BLVRA: variants seen among roughly 807,000 people sequenced by gnomAD.
BLVRA encodes BVR A.
In BLVRA, 22 loss-of-function variants were observed where a neutral mutation model predicts 32.8. The ratio of observed to expected loss-of-function variants is 0.67; its 90% CI spans 0.48 to 0.96. The LOEUF (loss-of-function observed/expected upper bound fraction) is 0.96. Among genes scored for constraint, BLVRA ranks in the 40% least tolerant of loss-of-function variants. BLVRA has a pLI of 0.00. For missense variants in BLVRA, 323 were observed against 358.1 expected (o/e 0.90, Z 0.79); for synonymous variants, 119 against 141.3 (o/e 0.84, Z 1.12).
chr7:43,762,725 C>T (rs1252707593), intron 1 of BLVRA, among the ~76,000 whole-genome samples: 3 of 151,190 alleles, frequency 2.0e-5, no homozygotes, highest in African/African-American at 7.3e-5. Context: ...AATTCTCCTG[C>T]CTCAGCCTCC....
intron 2 of BLVRA, among the ~76,000 whole-genome samples, chr7:43,780,514 TC>T (rs2095767732): frequency 6.6e-6 from 1 of 152,194 alleles, no homozygotes; most frequent in African/African-American, 2.4e-5. Flanking sequence ...CCCTTCCTTA[TC>T]CTACTTCCTG....
chr7:43,761,964 C>T (rs1213895336), intron 1 of BLVRA, among the ~76,000 whole-genome samples: 1 of 152,094 alleles, frequency 6.6e-6, no homozygotes, highest in Non-Finnish European at 1.5e-5. Context: ...ATCCAACTCC[C>T]TCCAGGGCAA....
intron 7 of BLVRA, among the ~76,000 whole-genome samples, chr7:43,806,504 G>T (rs2095804162): frequency 1.3e-5 from 2 of 152,224 alleles, no homozygotes; most frequent in South Asian, 4.1e-4. Flanking sequence ...CAGTTTGGGA[G>T]GCCAAGGCAG....
chr7:43,791,803 G>A (rs17245974), intron 4 of BLVRA: 13 of 195,456 alleles, frequency 6.7e-5, no homozygotes, highest in South Asian at 6.4e-4. Flanking sequence ...ATAAAATAAC[G>A]GTTGAGTTCC....
chr7:43,782,476 G>A (rs2095771075), intron 2 of BLVRA, among the ~76,000 whole-genome samples: 1 of 152,162 alleles, frequency 6.6e-6, no homozygotes, highest in African/African-American at 2.4e-5. Flanking sequence ...TGTCAGGAAG[G>A]GTGGATAATT....
At chr7:43,786,018 T>C (rs1448912198) in intron 2 of BLVRA, among the ~76,000 whole-genome samples, 1 of 152,028 alleles carries the variant, frequency 6.6e-6, no homozygotes, top group Non-Finnish European at 1.5e-5. Context: ...TCTATAGAAT[T>C]TGAATGGAAA....
Position 43,787,952 on chromosome 7 carries a change from T to A in BLVRA, c.61T>A (p.Ser21Thr). 6.2e-7 allele frequency: 1 copy of A among 1,614,194 alleles called. No individual in the cohort carries two copies. The highest frequency in any genetic ancestry group is 8.5e-7 in the Non-Finnish European group (1 of 1,180,032). The change falls in exon 3 of 8, where the codon TCC (serine) becomes ACC (threonine). Residue 21 changes from serine to threonine, a missense_variant. Transcript: ENST00000265523. The surrounding 1 kb of genome is among the most constrained non-coding windows in gnomAD (Gnocchi z 4.5). ...VVVVGVGRAGSVRMRDLRNPH... is the reference protein window; with the variant it reads ...VVVVGVGRAGTVRMRDLRNPH... ...GGTGGTTGGTGTTGGCCGAGCCGGC[T>A]CCGTGCGGATGAGGGACTTGCGGAA...
intron 1 of BLVRA, among the ~76,000 whole-genome samples, chr7:43,768,692 G>C (rs534763002): frequency 7.2e-4 from 109 of 152,196 alleles, no homozygotes; most frequent in Admixed American, 7.1e-3. Flanking sequence ...TATCACTCAC[G>C]TGCAAGCTCC....
intron 7 of BLVRA, among the ~76,000 whole-genome samples, chr7:43,805,586 G>A (rs2299149): frequency 0.81 from 123,014 of 152,048 alleles, 49,956 homozygotes; most frequent in African/African-American, 0.88. Context: ...CCCAGCCCTG[G>A]CTCTCATTTT....
At chr7:43,784,134 C>A (rs1449383731) in intron 2 of BLVRA, among the ~76,000 whole-genome samples, 1 of 152,168 alleles carries the variant, frequency 6.6e-6, no homozygotes, top group Non-Finnish European at 1.5e-5. Context: ...CTTATGTGTC[C>A]TTTTCTGCTG....
rs5883874 is a variant in BLVRA at position 43,784,598 on chromosome 7, CTTT to C, written c.13-3285_13-3283del. Among the ~76,000 whole-genome samples, 670 of 85,288 alleles carry C rather than the reference CTTT, an allele frequency of 7.9e-3. 4 individuals carry two copies. Among genetic ancestry groups the C allele is most frequent in the African/African-American group, 0.034 (601 of 17,872 alleles). 56.0% of individuals were successfully genotyped at this position (85,288 alleles called of 152,430 possible). A position where few individuals can be genotyped will look rare whatever the true frequency, so the allele number is the denominator to read the frequency against. ...AAGATACCAGTGTCTTCACTCATATCTTTTTTTTTTTTTTTTTTTTTTTGAGAT... is the reference window on the plus strand; with the variant it reads ...AAGATACCAGTGTCTTCACTCATATCTTTTTTTTTTTTTTTTTTTTGAGAT... On this transcript the variant is annotated intron_variant, in intron 2 of 7. Transcript: ENST00000265523.
chr7:43,771,638 G>A (rs1369311224), intron 2 of BLVRA, among the ~76,000 whole-genome samples: 2 of 152,182 alleles, frequency 1.3e-5, no homozygotes, highest in East Asian at 3.9e-4. Context: ...AGACCTTGGG[G>A]TTCATCACTT....
At chr7:43,773,817 T>C (rs1336214695) in intron 2 of BLVRA, among the ~76,000 whole-genome samples, 1 of 152,252 alleles carries the variant, frequency 6.6e-6, no homozygotes, top group Non-Finnish European at 1.5e-5. Context: ...CCTGACTTTT[T>C]AATGATCACC....
intron 2 of BLVRA, among the ~76,000 whole-genome samples, chr7:43,776,010 G>A (rs1484922715): frequency 1.5e-4 from 23 of 152,060 alleles, no homozygotes; most frequent in African/African-American, 2.4e-4. Flanking sequence ...TTTTTATTGC[G>A]TCTATTTGAT....
At chr7:43,786,178 G>T (rs962015166) in intron 2 of BLVRA, among the ~76,000 whole-genome samples, 3 of 152,166 alleles carry the variant, frequency 2.0e-5, no homozygotes, top group African/African-American at 7.2e-5. Flanking sequence ...TAGATTAAAT[G>T]TGAAAGGTTG....
intron 2 of BLVRA, among the ~76,000 whole-genome samples, chr7:43,774,708 G>A (rs1416180473): frequency 1.3e-5 from 2 of 152,166 alleles, no homozygotes; most frequent in Non-Finnish European, 2.9e-5. Flanking sequence ...GGATGGCATT[G>A]AATATATAAA....
intron 6 of BLVRA, 33 bp downstream of exon 6, chr7:43,800,605 G>C: frequency 1.3e-6 from 2 of 1,570,242 alleles, no homozygotes; most frequent in Non-Finnish European, 1.8e-6. Context: ...GGTCACATGT[G>C]AGGTCCAAAG....
intron 7 of BLVRA, among the ~76,000 whole-genome samples, chr7:43,806,508 A>G (rs997721190): frequency 6.6e-6 from 1 of 152,072 alleles, no homozygotes; most frequent in African/African-American, 2.4e-5. Context: ...TTGGGAGGCC[A>G]AGGCAGGTGG....
intron 5 of BLVRA, among the ~76,000 whole-genome samples, chr7:43,797,600 A>G (rs2095794227): frequency 6.6e-6 from 1 of 152,214 alleles, no homozygotes; most frequent in African/African-American, 2.4e-5. Flanking sequence ...GTAACCGCAT[A>G]CAACCATCAA....
Sources: allele counts gnomAD v4.1 joint callset (sites outside exome capture counted in the v4.1 genomes callset), GRCh38; gene constraint gnomAD v4.1.1; non-coding constraint Gnocchi (gnomAD v3.1); transcripts MANE v1.5; gene names NCBI Gene and HGNC (gene_info 2026-07-23, HGNC 2026-07-21).